Variants in MAOB observed in about 807,000 individuals in gnomAD.
MAOB encodes the protein monoamine oxidase B.
A neutral mutation model predicts 41.9 loss-of-function variants in MAOB; 15 were observed. The observed-to-expected ratio is 0.36, with a 90% CI of 0.24 to 0.55. The LOEUF (loss-of-function observed/expected upper bound fraction) is 0.55, where lower values mean the gene tolerates loss of function less well. Among genes scored for constraint, MAOB ranks in the 20% least tolerant of loss-of-function variants. MAOB has a pLI of 0.86. For synonymous variants in MAOB, 167 were observed against 144.2 expected (o/e 1.16, Z -1.13); for missense variants, 345 against 398.7 (o/e 0.87, Z 1.15).
intron 8 of MAOB, among the ~76,000 whole-genome samples, chrX:43,791,125 AAC>A (rs1358652170): frequency 8.9e-6 from 1 of 111,920 alleles, no homozygotes; most frequent in Non-Finnish European, 1.9e-5. Context: ...TGACTTTGCA[AAC>A]AGTAGATTAC....
chrX:43,868,679 C>G (rs1164435853), intron 1 of MAOB, among the ~76,000 whole-genome samples: 1 of 111,427 alleles, frequency 9.0e-6, no homozygotes, highest in African/African-American at 3.3e-5. Flanking sequence ...ACTAAAAAAG[C>G]TAGCAGAGGA....
chrX:43,782,361 A>T (rs1231805824), intron 8 of MAOB, among the ~76,000 whole-genome samples: 1 of 111,875 alleles, frequency 8.9e-6, no homozygotes, highest in Non-Finnish European at 1.9e-5. Context: ...TACTATAAAC[A>T]CCTCTAGGCA....
intron 2 of MAOB, among the ~76,000 whole-genome samples, chrX:43,843,355 T>TCACA (rs1491579122): frequency 1.7e-4 from 13 of 74,532 alleles, no homozygotes; most frequent in Non-Finnish European, 2.5e-5. Flanking sequence ...TCTCTCTCTG[T>TCACA]CTCACACACA....
intron 10 of MAOB, 48 bp from the exon 11 acceptor site, chrX:43,778,787 GA>G (rs761412383): frequency 2.4e-4 from 231 of 955,499 alleles, no homozygotes; most frequent in Admixed American, 5.5e-4. Context: ...AGAAGGGAGG[GA>G]AAAAAAAAGT....
At chrX:43,855,403 T>G (rs1453190651) in intron 1 of MAOB, among the ~76,000 whole-genome samples, 7 of 110,254 alleles carry the variant, frequency 6.3e-5, no homozygotes, top group Non-Finnish European at 1.1e-4. Context: ...CATATACGTG[T>G]GTGTGTGTGT....
At chrX:43,780,091 T>C (rs2034310287) in intron 10 of MAOB, among the ~76,000 whole-genome samples, 1 of 111,723 alleles carries the variant, frequency 9.0e-6, no homozygotes, top group Admixed American at 9.6e-5. Context: ...TCAATAAATA[T>C]TAATTTGAAT....
chrX:43,877,073 C>T (rs1187359652), intron 1 of MAOB, among the ~76,000 whole-genome samples: 1 of 112,400 alleles, frequency 8.9e-6, no homozygotes, highest in East Asian at 2.8e-4. Flanking sequence ...TTCTCTCAGC[C>T]ACTTTGTGAA....
At position 43,768,771 on chromosome X, in the gene MAOB, A is replaced by C. The variant is rs2034143001; in HGVS notation, c.1348-55T>G. 1.3e-5 allele frequency: 13 copies of C among 996,018 alleles called. No homozygotes were observed. In the Admixed American group the frequency reaches 2.9e-4, roughly 22 times the overall value. 82.1% of individuals were successfully genotyped at this position (996,018 alleles called of 1,213,427 possible). On this transcript the variant is annotated intron_variant, in intron 13 of 14. Coordinates refer to ENST00000378069, the MANE Select transcript of MAOB (RefSeq NM_000898.5). ...CAAAAGTGACACCATCTTTCTTCTA[A>C]TCTGCTCCCTAAAGGACTAAGTAAC...
At chrX:43,846,948 G>A (rs1162691666) in intron 1 of MAOB, among the ~76,000 whole-genome samples, 1 of 112,423 alleles carries the variant, frequency 8.9e-6, no homozygotes, top group Non-Finnish European at 1.9e-5. Context: ...TACAGTAGCA[G>A]AAATACATTT....
At chrX:43,776,928 AAG>A (rs2034267092) in intron 11 of MAOB, among the ~76,000 whole-genome samples, 1 of 110,808 alleles carries the variant, frequency 9.0e-6, no homozygotes, top group Admixed American at 9.5e-5. Context: ...TGTCCCTACA[AAG>A]GACATGAACT....
At chrX:43,837,905 G>A in intron 3 of MAOB, 1 of 331,082 alleles carries the variant, frequency 3.0e-6, no homozygotes, top group Non-Finnish European at 5.9e-6. Context: ...GAGTGACTTT[G>A]TGGACCAAGA....
At chrX:43,877,712 C>T (rs1318560013) in intron 1 of MAOB, among the ~76,000 whole-genome samples, 1 of 111,917 alleles carries the variant, frequency 8.9e-6, no homozygotes, top group Non-Finnish European at 1.9e-5. Flanking sequence ...AAGTACAGAT[C>T]TAAGACTTCC....
At chrX:43,774,012 T>G in intron 12 of MAOB, among the ~76,000 whole-genome samples, 1 of 111,996 alleles carries the variant, frequency 8.9e-6, no homozygotes, top group Non-Finnish European at 1.9e-5. Context: ...TGGATAATAT[T>G]TTGCCATCTT....
intron 7 of MAOB, 65 bp from the exon 8 acceptor site, chrX:43,793,643 C>A: frequency 1.1e-6 from 1 of 897,481 alleles, no homozygotes; most frequent in South Asian, 2.3e-5. Flanking sequence ...CCCAATGATT[C>A]TCTCTCATTC....
intron 8 of MAOB, among the ~76,000 whole-genome samples, chrX:43,788,762 A>C (rs1279300497): frequency 2.7e-5 from 3 of 111,654 alleles, no homozygotes; most frequent in Non-Finnish European, 3.8e-5. Context: ...TGTTTTTTAA[A>C]AAACATGTTT....
intron 1 of MAOB, among the ~76,000 whole-genome samples, chrX:43,866,117 T>G (rs1214168368): frequency 9.1e-6 from 1 of 110,460 alleles, no homozygotes; most frequent in Non-Finnish European, 1.9e-5. Context: ...GACTTTATCC[T>G]GGGGGTAATG....
intron 10 of MAOB, 77 bp downstream of exon 10, chrX:43,780,265 A>G: frequency 3.5e-6 from 3 of 856,169 alleles, no homozygotes; most frequent in Admixed American, 5.4e-5. Context: ...AGAAGGAAAG[A>G]AAGAGAAAAG....
chrX:43,805,118 G>A (rs904924987), intron 3 of MAOB, among the ~76,000 whole-genome samples: 5 of 111,488 alleles, frequency 4.5e-5, no homozygotes, highest in Non-Finnish European at 5.6e-5. Context: ...GCTAAATTGA[G>A]CTAATTAACA....
At chrX:43,776,024 G>A (rs1345601165) in intron 11 of MAOB, among the ~76,000 whole-genome samples, 1 of 112,310 alleles carries the variant, frequency 8.9e-6, no homozygotes, top group African/African-American at 3.2e-5. Context: ...TCATTTGTAA[G>A]GCATCCTATT....
Sources: gnomAD v4.1 joint callset for allele counts (sites outside exome capture counted in the v4.1 genomes callset) on GRCh38, gnomAD v4.1.1 for gene constraint, MANE v1.5 for transcripts, NCBI Gene and HGNC (gene_info 2026-07-23, HGNC 2026-07-21) for gene names.